PHKA1: variants seen among roughly 807,000 people sequenced by gnomAD.
The protein encoded by PHKA1 is phosphorylase kinase regulatory subunit alpha 1.
A neutral mutation model predicts 110.2 loss-of-function variants in PHKA1; 60 were observed. That is an observed-to-expected ratio of 0.54 (90% CI 0.44 to 0.68). PHKA1 has a LOEUF of 0.68. PHKA1 is among the 30% of genes least tolerant of loss of function. The pLI is 0.00. For missense variants in PHKA1, 801 were observed against 942.5 expected (o/e 0.85, Z 1.97); for synonymous variants, 316 against 333.6 (o/e 0.95, Z 0.58).
At chrX:72,633,844 A>G (rs1440340838) in intron 16 of PHKA1, among the ~76,000 whole-genome samples, 1 of 111,907 alleles carries the variant, frequency 8.9e-6, no homozygotes, top group Non-Finnish European at 1.9e-5. Context: ...ATTGAACCCT[A>G]CCTTACTTTT....
chrX:72,668,496 G>A (rs1569445635), intron 6 of PHKA1, among the ~76,000 whole-genome samples: 1 of 111,725 alleles, frequency 9.0e-6, no homozygotes, highest in Non-Finnish European at 1.9e-5. Context: ...TTAAAAAATG[G>A]TATATCTGTT....
At chrX:72,597,522 T>G (rs1394555156) in intron 28 of PHKA1, among the ~76,000 whole-genome samples, 1 of 111,360 alleles carries the variant, frequency 9.0e-6, no homozygotes, top group Non-Finnish European at 1.9e-5. Context: ...TCTTTTAAAT[T>G]TTTTTTAACT....
chrX:72,690,776 T>C (rs1376698584), intron 4 of PHKA1, among the ~76,000 whole-genome samples: 2 of 110,954 alleles, frequency 1.8e-5, no homozygotes, highest in East Asian at 5.5e-4. Context: ...CTTTTTTTGT[T>C]TGTTTGTTTG....
Position 72,627,016 on chromosome X carries a change from A to G in PHKA1, c.1748T>C (p.Leu583Pro), listed in dbSNP as rs2053084669. The change falls in exon 17 of 32, where the codon CTG (leucine) becomes CCG (proline). Residue 583 changes from leucine to proline, a missense_variant. Around this residue, in one of 2 missense-constraint regions of PHKA1, gnomAD observed 502 missense variants for 519.2 expected, o/e 0.97. Transcript: ENST00000373542. ...EDGTSLNSSI[L>P]AALRKMQDGY... ...ATCTTGCATTTTTCGGAGTGCTGCCAGGATACTTGAATTCAAGCTTGTTCC... is the reference window on the plus strand; with the variant it reads ...ATCTTGCATTTTTCGGAGTGCTGCCGGGATACTTGAATTCAAGCTTGTTCC... 2 of 1,209,510 alleles carry G rather than the reference A, an allele frequency of 1.7e-6. No homozygotes were observed. Among genetic ancestry groups the G allele is most frequent in the Non-Finnish European group, 2.2e-6 (2 of 893,276 alleles).
At chrX:72,685,999 T>A (rs2053962727) in intron 4 of PHKA1, among the ~76,000 whole-genome samples, 1 of 112,012 alleles carries the variant, frequency 8.9e-6, no homozygotes, top group Non-Finnish European at 1.9e-5. Context: ...ACAGTGGGCA[T>A]ATCTAGAGCA....
intron 3 of PHKA1, among the ~76,000 whole-genome samples, chrX:72,702,772 GTGAAAGGAAAA>G (rs2054223644): frequency 9.0e-6 from 1 of 111,717 alleles, no homozygotes; most frequent in Admixed American, 9.5e-5. Context: ...GTGGGGGGAT[GTGAAAGGAAAA>G]TAACTTGGGC....
intron 23 of PHKA1, 24 bp downstream of exon 23, chrX:72,609,600 C>T (rs1556256763): frequency 8.9e-7 from 1 of 1,124,215 alleles, no homozygotes; most frequent in Non-Finnish European, 1.2e-6. Context: ...TCAGAGAAGC[C>T]TGACCAAACC....
At chrX:72,594,190 A>G (rs4614127) in intron 28 of PHKA1, among the ~76,000 whole-genome samples, 1 of 110,382 alleles carries the variant, frequency 9.1e-6, no homozygotes, top group East Asian at 2.9e-4. Flanking sequence ...AAATGCCTAT[A>G]TTAAAGAAAG....
chrX:72,593,124 C>G lies in PHKA1; in HGVS notation c.3223G>C (p.Val1075Leu), dbSNP rs1168929718. The G allele has an allele frequency of 2.5e-5, 30 of 1,199,852 alleles. No homozygotes were observed. Among genetic ancestry groups the G allele is most frequent in the African/African-American group, 3.5e-5 (2 of 56,958 alleles). The change falls in exon 29 of 32, where the codon GTA becomes CTA. Residue 1075 changes from valine (V) to leucine (L), a missense_variant. Val to Leu is a conservative substitution (Grantham distance 32, BLOSUM62 1). This residue lies in a region of PHKA1 where 502 missense variants were observed against 519.2 expected (regional missense o/e 0.97). Coordinates refer to ENST00000373542, the MANE Select transcript of PHKA1 (RefSeq NM_002637.4). ...CTCACCTTCTGCAAAACTTTCCATA[C>G]TTTCTGATAAAATCCAACTGGAACT... The part of the protein sequence containing the change: ...NRVPVGFYQK[V>L]WKVLQKCHGL...
chrX:72,618,282 T>C (rs1446363458), intron 21 of PHKA1, among the ~76,000 whole-genome samples: 2 of 111,853 alleles, frequency 1.8e-5, no homozygotes, highest in Non-Finnish European at 3.8e-5. Context: ...TTTGTACTAA[T>C]ACAAAGTACC....
At chrX:72,620,678 T>G (rs1556276258) in intron 19 of PHKA1, 47 bp downstream of exon 19, 1 of 1,115,361 alleles carries the variant, frequency 9.0e-7, no homozygotes, top group Admixed American at 2.2e-5. Flanking sequence ...TATCCTGGGC[T>G]TCACGTCATC....
chrX:72,666,068 C>G, intron 8 of PHKA1, 83 bp downstream of exon 8: 1 of 914,047 alleles, frequency 1.1e-6, no homozygotes, highest in East Asian at 3.2e-5. Context: ...ATCACAGACA[C>G]AGGTCATACT....
intron 13 of PHKA1, among the ~76,000 whole-genome samples, chrX:72,645,816 A>G (rs1348381380): frequency 8.9e-6 from 1 of 112,171 alleles, no homozygotes; most frequent in Non-Finnish European, 1.9e-5. Context: ...GTAAATAGAG[A>G]TAAGTGCACA....
intron 16 of PHKA1, among the ~76,000 whole-genome samples, chrX:72,633,990 T>C (rs1357656750): frequency 9.0e-6 from 1 of 111,700 alleles, no homozygotes; most frequent in Non-Finnish European, 1.9e-5. Context: ...TTATAGTACC[T>C]TTCCTTCTGC....
intron 21 of PHKA1, among the ~76,000 whole-genome samples, chrX:72,615,751 G>GA (rs2052885671): frequency 1.6e-4 from 7 of 44,721 alleles, no homozygotes; most frequent in African/African-American, 9.4e-4. Context: ...AGAAGGAGGG[G>GA]GGGAAGGAAG....
At chrX:72,700,403 C>T (rs2054190501) in intron 3 of PHKA1, among the ~76,000 whole-genome samples, 1 of 111,852 alleles carries the variant, frequency 8.9e-6, no homozygotes, top group Admixed American at 9.5e-5. Context: ...CCAAAAATGT[C>T]ATAATTTGGC....
chrX:72,615,483 A>C (rs1569430616), intron 21 of PHKA1, among the ~76,000 whole-genome samples: 1 of 110,252 alleles, frequency 9.1e-6, no homozygotes, highest in Non-Finnish European at 1.9e-5. Flanking sequence ...GACATCAAAA[A>C]CTCAAAATGT....
At position 72,631,873 on chromosome X, in the gene PHKA1, G is replaced by C. The variant is rs140771484; in HGVS notation, c.1714+3282C>G. On this transcript the variant is annotated intron_variant, in intron 16 of 31. Transcript: ENST00000373542. ...TAAAAGTCACTTTTTAAAAGTAGAA[G>C]TATTTAAGGATATGAAATTTTCTAA... is the stretch of plus-strand genomic sequence containing the variant. Among the ~76,000 whole-genome samples the C allele has an allele frequency of 5.0e-3, 558 of 111,549 alleles. 8 individuals are homozygous for C. The East Asian group carries it at 0.073, about 15-fold the overall frequency.
intron 21 of PHKA1, among the ~76,000 whole-genome samples, chrX:72,618,202 G>C (rs2052925934): frequency 8.9e-6 from 1 of 111,964 alleles, no homozygotes; most frequent in African/African-American, 3.2e-5. Context: ...TGGAAAAGGA[G>C]GGAGAACAGA....
Sources: allele counts gnomAD v4.1 joint callset (sites outside exome capture counted in the v4.1 genomes callset), GRCh38; gene constraint gnomAD v4.1.1; regional missense constraint gnomAD v4.1.1; transcripts MANE v1.5; gene names NCBI Gene and HGNC (gene_info 2026-07-23, HGNC 2026-07-21).